PYGL: variants seen among roughly 807,000 people sequenced by gnomAD.
The protein encoded by PYGL is glycogen phosphorylase, liver form.
A neutral mutation model predicts 100.1 loss-of-function variants in PYGL; 90 were observed. The ratio of observed to expected loss-of-function variants is 0.90; its 90% confidence interval spans 0.76 to 1.07. The LOEUF (loss-of-function observed/expected upper bound fraction) is 1.07. PYGL is among the 50% of genes least tolerant of loss of function. The pLI is 0.00. For missense variants in PYGL, 1,016 were observed against 1,057.6 expected (o/e 0.96, Z 0.55); for synonymous variants, 373 against 393.0 (o/e 0.95, Z 0.60).
chr14:50,936,863 C>CT (rs2050658392), intron 2 of PYGL, among the ~76,000 whole-genome samples: 1 of 151,768 alleles, frequency 6.6e-6, no homozygotes, highest in Non-Finnish European at 1.5e-5. Context: ...TGGCTATAGG[C>CT]TACTCCAAGG....
chr14:50,921,210 G>A, intron 5 of PYGL, 143 bp from the exon 6 acceptor site: 1 of 675,310 alleles, frequency 1.5e-6, no homozygotes, highest in Admixed American at 2.2e-5. Context: ...TGGAGAAGAG[G>A]GTCTCAGGGC....
At position 50,914,807 on chromosome 14, in the gene PYGL, T is replaced by C; in HGVS notation, c.1412A>G (p.Asp471Gly). The part of the protein sequence containing the change: ...SDIVKTKVFK[D>G]FSELEPDKFQ... ...CTTGTCAGGTTCTAGCTCACTGAAGTCCTTGAATCTGGAGATGGAGGAGAC... is the reference window on the plus strand; with the variant it reads ...CTTGTCAGGTTCTAGCTCACTGAAGCCCTTGAATCTGGAGATGGAGGAGAC... The change falls in exon 12 of 20, where the codon GAC (aspartate) becomes GGC (glycine). Residue 471 changes from aspartate (D) to glycine (G), a missense_variant. Asp to Gly is a moderately conservative substitution (Grantham distance 94). Transcript: ENST00000216392. 11 of 1,612,224 alleles carry C rather than the reference T, an allele frequency of 6.8e-6. No homozygotes were observed. The highest frequency in any genetic ancestry group is 2.2e-5 in the South Asian group (2 of 91,052).
In PYGL at chr14:50,942,026, C is replaced by G. The variant is rs548443064; in HGVS notation, c.243+2135G>C. ...TACGCATAGAGTTAGAAAAGGAATT[C>G]AGACTAGGGATCCATATTTGGGATT... On this transcript the variant is annotated intron_variant, in intron 1 of 19. Transcript: ENST00000216392. Among the ~76,000 whole-genome samples, 80 of 152,294 alleles carry G rather than the reference C, an allele frequency of 5.3e-4. 2 individuals carry two copies. In the Middle Eastern group the frequency reaches 0.024, roughly 45 times the overall value.
chr14:50,915,201 T>C, intron 11 of PYGL, 135 bp downstream of exon 11: 1 of 1,141,906 alleles, frequency 8.8e-7, no homozygotes, highest in Non-Finnish European at 1.3e-6. Flanking sequence ...AGGCAAGAGT[T>C]TTTTGTATAG....
At chr14:50,924,302 T>C (rs748376528) in intron 4 of PYGL, among the ~76,000 whole-genome samples, 9 of 152,252 alleles carry the variant, frequency 5.9e-5, no homozygotes, top group Non-Finnish European at 1.2e-4. Context: ...TATTACTGCA[T>C]TTAATCCTCT....
intron 6 of PYGL, 105 bp downstream of exon 6, chr14:50,920,851 G>A: frequency 8.0e-7 from 1 of 1,245,134 alleles, no homozygotes; most frequent in Non-Finnish European, 1.2e-6. Context: ...GTTCAGATCA[G>A]AAACTCAAGG....
At chr14:50,940,783 T>C (rs150014557) in intron 1 of PYGL, among the ~76,000 whole-genome samples, 335 of 152,302 alleles carry the variant, frequency 2.2e-3, no homozygotes, top group Admixed American at 4.8e-3. Context: ...TAAAATAAAA[T>C]AAAGAAGATA....
At chr14:50,914,365 T>G (rs2050426141) in intron 12 of PYGL, among the ~76,000 whole-genome samples, 4 of 152,044 alleles carry the variant, frequency 2.6e-5, no homozygotes, top group Non-Finnish European at 5.9e-5. Context: ...GGCATTGTGA[T>G]GTGTGCCTGT....
At chr14:50,905,812 A>C (rs1033942270) in intron 19 of PYGL, among the ~76,000 whole-genome samples, 1 of 152,242 alleles carries the variant, frequency 6.6e-6, no homozygotes, top group African/African-American at 2.4e-5. Flanking sequence ...TACATTGCCT[A>C]GTTGGCAATT....
intron 1 of PYGL, among the ~76,000 whole-genome samples, chr14:50,938,917 A>G (rs1276693274): frequency 1.3e-5 from 2 of 152,124 alleles, no homozygotes; most frequent in Admixed American, 6.5e-5. Flanking sequence ...GTTGGCTATG[A>G]CTATCTCAAG....
intron 5 of PYGL, chr14:50,923,687 CAA>C (rs762951824): frequency 0.045 from 5,373 of 118,474 alleles, no homozygotes; most frequent in South Asian, 0.09. Context: ...AATTTTCTGG[CAA>C]AAAAAAAAAA....
At chr14:50,908,142 T>G (rs1596030261) in intron 19 of PYGL, 129 bp downstream of exon 19, 6 of 699,460 alleles carry the variant, frequency 8.6e-6, no homozygotes, top group Non-Finnish European at 1.4e-5. Flanking sequence ...TTTTGTTGTT[T>G]TTTTTTTGAT....
chr14:50,918,974 A>G (rs1371116370), intron 7 of PYGL, among the ~76,000 whole-genome samples: 1 of 152,336 alleles, frequency 6.6e-6, no homozygotes, highest in East Asian at 1.9e-4. Context: ...CAAGTTGAGG[A>G]GAAGAATGAA....
intron 1 of PYGL, 31 bp downstream of exon 1, chr14:50,944,130 G>A (rs1413288868): frequency 3.2e-6 from 5 of 1,580,658 alleles, no homozygotes; most frequent in Non-Finnish European, 4.3e-6. Flanking sequence ...CTCCGGGCTG[G>A]ACCCCGGCCC....
intron 3 of PYGL, among the ~76,000 whole-genome samples, chr14:50,934,446 A>T (rs2050633747): frequency 6.6e-6 from 1 of 152,244 alleles, no homozygotes; most frequent in Admixed American, 6.5e-5. Flanking sequence ...AAGTAAAGAC[A>T]CTACTTTTGA....
At position 50,944,474 on chromosome 14, in the gene PYGL, G is replaced by C; in HGVS notation, c.-71C>G. The C allele has an allele frequency of 6.6e-7, 1 of 1,511,770 alleles. No homozygotes were observed. The highest frequency in any genetic ancestry group is 8.8e-7 in the Non-Finnish European group (1 of 1,133,328). 93.6% of individuals were successfully genotyped at this position (1,511,770 alleles called of 1,614,324 possible). On this transcript the variant is annotated 5_prime_UTR_variant, in exon 1 of 20. Transcript: ENST00000216392. ...GTGCGGCCGGAGGCGCTGGGCTGCC[G>C]GGCAGGGGTGGAGTCCGCCCCGCCG... is the stretch of plus-strand genomic sequence containing the variant.
At chr14:50,916,148 G>A (rs1253043982) in intron 9 of PYGL, among the ~76,000 whole-genome samples, 177 bp from the exon 10 acceptor site, 1 of 152,356 alleles carries the variant, frequency 6.6e-6, no homozygotes, top group South Asian at 2.1e-4. Context: ...TGTTCTGGGT[G>A]TGAGGGGGAA....
At chr14:50,926,219 T>G (rs1040349841) in intron 4 of PYGL, among the ~76,000 whole-genome samples, 2 of 151,856 alleles carry the variant, frequency 1.3e-5, no homozygotes, top group Non-Finnish European at 2.9e-5. Context: ...AGTGTGGTGG[T>G]GTGCACCTGT....
intron 16 of PYGL, 44 bp from the exon 17 acceptor site, chr14:50,910,146 A>G: frequency 6.4e-7 from 1 of 1,557,934 alleles, no homozygotes; most frequent in South Asian, 1.1e-5. Context: ...GTCTGTCTAG[A>G]TCTGCTTGTA....
Sources: gnomAD v4.1 joint callset for allele counts (sites outside exome capture counted in the v4.1 genomes callset) on GRCh38, gnomAD v4.1.1 for gene constraint, MANE v1.5 for transcripts, NCBI Gene and HGNC (gene_info 2026-07-23, HGNC 2026-07-21) for gene names.